KCNC2: variants seen among roughly 807,000 people sequenced by gnomAD.
The protein encoded by KCNC2 is voltage-gated potassium channel KCNC2.
In KCNC2, 21 loss-of-function variants were observed where a neutral mutation model predicts 44.5. The ratio of observed to expected loss-of-function variants is 0.47; its 90% CI spans 0.33 to 0.68. The LOEUF is 0.68. Ranked by LOEUF, KCNC2 falls within the 30% of genes least tolerant of loss-of-function variation. The pLI is 0.01. For missense variants in KCNC2, 589 were observed against 826.2 expected (o/e 0.71, Z 3.52); for synonymous variants, 391 against 339.1 (o/e 1.15, Z -1.68).
chr12:75,158,439 T>C (rs1461329640), intron 2 of KCNC2, among the ~76,000 whole-genome samples: 1 of 151,914 alleles, frequency 6.6e-6, no homozygotes, highest in African/African-American at 2.4e-5. Context: ...AGAAAACAGC[T>C]GCACCTTTTT....
rs145272052 is a variant in KCNC2, at chr12:75,087,696, A to G, written c.688-36379T>C. 6.9e-3 allele frequency among the ~76,000 whole-genome samples: 1,044 copies of G among 152,174 alleles called. 7 individuals are homozygous for G. Among genetic ancestry groups the G allele is most frequent in the African/African-American group, 0.024 (986 of 41,542 alleles). On this transcript the variant is annotated intron_variant, in intron 2 of 4. Transcript: ENST00000549446. ...GTTAATTTACAGATTCCTATCTGTG[A>G]GTACACAGTACTGTAGAGCCTGAAA...
chr12:75,203,221 T>A (rs2031431584), intron 2 of KCNC2, among the ~76,000 whole-genome samples: 1 of 151,772 alleles, frequency 6.6e-6, no homozygotes, highest in Non-Finnish European at 1.5e-5. Context: ...TAGCAAATGT[T>A]TATTTAGATC....
intron 2 of KCNC2, among the ~76,000 whole-genome samples, chr12:75,122,574 T>A (rs993543806): frequency 2.0e-5 from 3 of 152,192 alleles, no homozygotes; most frequent in Non-Finnish European, 4.4e-5. Context: ...CTCCTCCACA[T>A]GGCTTTAGAA....
chr12:75,074,232 A>T (rs1165893541), intron 2 of KCNC2, among the ~76,000 whole-genome samples: 1 of 94,838 alleles, frequency 1.1e-5, no homozygotes, highest in Admixed American at 1.3e-4. Context: ...CTACTCATAG[A>T]TTTTTTTTTT....
intron 2 of KCNC2, among the ~76,000 whole-genome samples, chr12:75,195,660 A>C (rs1299532804): frequency 6.6e-6 from 1 of 152,012 alleles, no homozygotes; most frequent in Admixed American, 6.6e-5. Flanking sequence ...GTCTCCTACC[A>C]CCTGTGTTAC....
At chr12:75,174,275 T>C (rs1892032183) in intron 2 of KCNC2, among the ~76,000 whole-genome samples, 1 of 151,820 alleles carries the variant, frequency 6.6e-6, no homozygotes, top group Non-Finnish European at 1.5e-5. Context: ...ACTTGAACAT[T>C]CTGGATCATT....
intron 2 of KCNC2, among the ~76,000 whole-genome samples, chr12:75,063,828 A>G (rs1363772542): frequency 1.3e-5 from 2 of 152,120 alleles, no homozygotes; most frequent in East Asian, 1.9e-4. Flanking sequence ...ATGTTTAGGC[A>G]AGTAAGAAGC....
intron 2 of KCNC2, among the ~76,000 whole-genome samples, chr12:75,183,430 A>G (rs991679312): frequency 6.6e-6 from 1 of 152,238 alleles, no homozygotes; most frequent in Non-Finnish European, 1.5e-5. Flanking sequence ...TTCAATGTAC[A>G]AGCACAACAA....
chr12:75,050,497 G>T lies in KCNC2; in HGVS notation c.1508C>A (p.Ala503Glu). ...RKKHIPPAPQASSPTFCKTEL... is the reference protein window; with the variant it reads ...RKKHIPPAPQESSPTFCKTEL... ...TGTCTTGCAAAAAGTAGGTGAGCTT[G>T]CCTGAGGAGCAGGAGGGATGTGCTT... The change falls in exon 3 of 5, where the codon GCA becomes GAA. Residue 503 changes from alanine (A) to glutamate (E), a missense_variant. This residue lies in a region of KCNC2 where 171 missense variants were observed against 182.4 expected (regional missense o/e 0.94). Transcript: ENST00000549446. 6.2e-7 allele frequency: 1 copy of T among 1,613,640 alleles called. No homozygotes were observed.
At chr12:75,045,479 T>C (rs1401694378) in intron 4 of KCNC2, among the ~76,000 whole-genome samples, 1 of 151,976 alleles carries the variant, frequency 6.6e-6, no homozygotes, top group Non-Finnish European at 1.5e-5. Flanking sequence ...ATTATTCATG[T>C]ACATATTTTT....
intron 2 of KCNC2, among the ~76,000 whole-genome samples, chr12:75,191,707 C>T (rs1226085012): frequency 3.3e-5 from 5 of 150,670 alleles, no homozygotes; most frequent in East Asian, 3.9e-4. Flanking sequence ...CCCGGCACCG[C>T]GCCCGGCTAA....
At chr12:75,121,566 C>G (rs1888048163) in intron 2 of KCNC2, among the ~76,000 whole-genome samples, 3 of 152,188 alleles carry the variant, frequency 2.0e-5, no homozygotes. Context: ...ACCATAATCA[C>G]TCTTTTTTGT....
intron 2 of KCNC2, among the ~76,000 whole-genome samples, chr12:75,176,710 T>C (rs1892208461): frequency 6.6e-6 from 1 of 151,954 alleles, no homozygotes; most frequent in South Asian, 2.1e-4. Flanking sequence ...TATAGAATAA[T>C]TCATTTCTAA....
intron 2 of KCNC2, among the ~76,000 whole-genome samples, chr12:75,169,272 A>G (rs1891657938): frequency 6.6e-6 from 1 of 151,562 alleles, no homozygotes; most frequent in Non-Finnish European, 1.5e-5. Flanking sequence ...TGAGCATTGA[A>G]CAAAAACATT....
At chr12:75,199,066 T>C (rs563595532) in intron 2 of KCNC2, among the ~76,000 whole-genome samples, 21 of 151,994 alleles carry the variant, frequency 1.4e-4, no homozygotes, top group Admixed American at 9.2e-4. Flanking sequence ...TAAGAGAATT[T>C]ATGCAACCAA....
chr12:75,173,585 A>G (rs1891978720), intron 2 of KCNC2, among the ~76,000 whole-genome samples: 1 of 151,914 alleles, frequency 6.6e-6, no homozygotes, highest in African/African-American at 2.4e-5. Context: ...TCACCAGAGA[A>G]ATCCATGCCA....
At chr12:75,166,775 A>G (rs1326846996) in intron 2 of KCNC2, among the ~76,000 whole-genome samples, 3 of 151,234 alleles carry the variant, frequency 2.0e-5, no homozygotes, top group Non-Finnish European at 3.0e-5. Flanking sequence ...GAAAACAAAA[A>G]AAACACTAAA....
chr12:75,040,767 G>A lies in KCNC2; in HGVS notation c.*2338C>T. The A allele has an allele frequency of 4.9e-6, 1 of 202,546 alleles. No homozygotes were observed. The highest frequency in any genetic ancestry group is 1.0e-5 in the Non-Finnish European group (1 of 99,810). The allele number at this position is 202,546 out of a possible 1,614,324, so 12.5% of individuals were successfully genotyped here. A position where few individuals can be genotyped will look rare whatever the true frequency, so the allele number is the denominator to read the frequency against. ...AAGAAGTAGAAATAAGGGAAATTAA[G>A]ACAAAACTATACTACATCAGTATCA... On this transcript the variant is annotated 3_prime_UTR_variant, in exon 5 of 5. Coordinates refer to ENST00000549446, the MANE Select transcript of KCNC2 (RefSeq NM_139137.4).
intron 2 of KCNC2, among the ~76,000 whole-genome samples, chr12:75,179,758 A>AGTTTTTAT (rs1565668792): frequency 4.0e-5 from 6 of 151,168 alleles, no homozygotes; most frequent in East Asian, 3.9e-4. Flanking sequence ...TATCTTTTAT[A>AGTTTTTAT]AAAACTATAA....
Sources: gnomAD v4.1 joint callset for allele counts (sites outside exome capture counted in the v4.1 genomes callset) on GRCh38, gnomAD v4.1.1 for gene constraint, gnomAD v4.1.1 regional missense constraint, MANE v1.5 for transcripts, NCBI Gene and HGNC (gene_info 2026-07-23, HGNC 2026-07-21) for gene names.